GP2: variants seen among roughly 807,000 people sequenced by gnomAD.
The protein encoded by GP2 is glycoprotein 2, also known as pancreatic secretory granule membrane major glycoprotein GP2.
In GP2, 58 loss-of-function variants were observed where a neutral mutation model predicts 60.8. That is an observed-to-expected ratio of 0.95 (90% CI 0.77 to 1.19). The LOEUF is 1.19. Ranked by LOEUF, GP2 falls within the 50% of genes most tolerant of loss-of-function variation. The pLI, the probability that GP2 is intolerant of heterozygous loss-of-function variation, is 0.00. For missense variants in GP2, 647 were observed against 667.4 expected, an observed-to-expected ratio of 0.97 and a Z score of 0.34; for synonymous variants, 280 against 253.4, an observed-to-expected ratio of 1.10 and a Z score of -1.00.
At chr16:20,319,216 C>T (rs983489689) in intron 6 of GP2, among the ~76,000 whole-genome samples, 1 of 152,148 alleles carries the variant, frequency 6.6e-6, no homozygotes, top group Non-Finnish European at 1.5e-5. Flanking sequence ...CCCCTGTTCC[C>T]TGCTCCCAAA....
At chr16:20,317,830 C>T (rs374636997) in intron 7 of GP2, among the ~76,000 whole-genome samples, 17 of 152,142 alleles carry the variant, frequency 1.1e-4, no homozygotes, top group Admixed American at 2.6e-4. Context: ...TTTTGTCAGC[C>T]GGGCATGTTT....
intron 10 of GP2, among the ~76,000 whole-genome samples, chr16:20,312,464 TCTTGTAGTGGGTAGGCTGTCTCAA>T (rs941695194): frequency 6.6e-6 from 1 of 152,158 alleles, no homozygotes; most frequent in Non-Finnish European, 1.5e-5. Context: ...ACAAGTGCCC[TCTTGTAGTGGGTAGGCTGTCTCAA>T]CATCAGACTG....
chr16:20,325,580 C>G (rs1964510154), intron 2 of GP2, among the ~76,000 whole-genome samples: 1 of 152,134 alleles, frequency 6.6e-6, no homozygotes, highest in South Asian at 2.1e-4. Context: ...AAATGCCAAG[C>G]ACAGCACCAG....
chr16:20,315,312 G>A (rs1259235885), intron 9 of GP2, among the ~76,000 whole-genome samples: 2 of 151,748 alleles, frequency 1.3e-5, no homozygotes, highest in East Asian at 3.9e-4. Context: ...AATTCCTTTA[G>A]GGGAAAAAAA....
At chr16:20,317,930 T>C (rs1348819735) in intron 7 of GP2, among the ~76,000 whole-genome samples, 11 of 152,182 alleles carry the variant, frequency 7.2e-5, no homozygotes, top group Non-Finnish European at 1.2e-4. Flanking sequence ...ACCAAATTGA[T>C]TCCCTATTTT....
intron 2 of GP2, among the ~76,000 whole-genome samples, chr16:20,324,719 T>C (rs1282679779): frequency 1.3e-5 from 2 of 152,268 alleles, no homozygotes; most frequent in Non-Finnish European, 2.9e-5. Context: ...AAGTTTAAAA[T>C]ATATTGCTTT....
chr16:20,326,996 G>A (rs1481802367), intron 1 of GP2: 3 of 165,258 alleles, frequency 1.8e-5, no homozygotes, highest in Non-Finnish European at 4.0e-5. Flanking sequence ...CAGAAAGAAA[G>A]AGCTGCAAAA....
At chr16:20,312,669 T>C (rs77531992) in intron 10 of GP2, among the ~76,000 whole-genome samples, 3 of 151,898 alleles carry the variant, frequency 2.0e-5, no homozygotes, top group African/African-American at 7.3e-5. Context: ...TTTTTTTTTT[T>C]GATGGAGTTT....
intron 5 of GP2, 38 bp from the exon 6 acceptor site, chr16:20,319,806 G>A (rs773646480): frequency 3.3e-5 from 50 of 1,507,220 alleles, no homozygotes; most frequent in Non-Finnish European, 4.4e-5. Context: ...ATGTTTATGT[G>A]TATGTGTATG....
intron 1 of GP2, chr16:20,326,800 G>C (rs879895438): frequency 3.4e-5 from 7 of 208,920 alleles, no homozygotes; most frequent in Non-Finnish European, 6.8e-5. Context: ...TTAGTTTTAT[G>C]CATTGGGTGC....
chr16:20,321,789 G>A (rs918132341), intron 4 of GP2, among the ~76,000 whole-genome samples: 8 of 152,180 alleles, frequency 5.3e-5, no homozygotes, highest in African/African-American at 1.9e-4. Flanking sequence ...AGAGGGATGT[G>A]TCTGCAAGCA....
At chr16:20,320,176 G>A (rs36017565) in intron 5 of GP2, 86 bp downstream of exon 5, 1 of 999,208 alleles carries the variant, frequency 1.0e-6, no homozygotes, top group East Asian at 2.4e-5. Context: ...AAGCTAAGTG[G>A]CTTGTCCAAG....
chr16:20,322,788 C>A (rs1964405159), intron 4 of GP2, 81 bp downstream of exon 4: 5 of 768,850 alleles, frequency 6.5e-6, no homozygotes, highest in Non-Finnish European at 9.2e-6. Context: ...CTGCTTTATA[C>A]CTTATCTTGA....
At position 20,324,165 on chromosome 16, in the gene GP2, G is replaced by T; in HGVS notation, c.186C>A (p.Pro62=). 1 of 1,613,834 alleles carries T rather than the reference G, an allele frequency of 6.2e-7. No homozygotes were observed. The highest frequency in any genetic ancestry group is 8.5e-7 in the Non-Finnish European group (1 of 1,179,688). The change falls in exon 3 of 11, where the codon CCC becomes CCA. Residue 62 remains proline, a synonymous_variant. Coordinates refer to ENST00000302555, the MANE Select transcript of GP2 (RefSeq NM_001502.4). The part of the protein sequence containing the change: ...GTPEAHVCFD[P]CQNYTLLDEP... ...CATCCAGGAGGGTGTAATTCTGACAGGGGTCAAAACAGACATGAGCCTCTG... is the reference window on the plus strand; with the variant it reads ...CATCCAGGAGGGTGTAATTCTGACATGGGTCAAAACAGACATGAGCCTCTG...
chr16:20,327,142 T>C (rs938432656), intron 1 of GP2, among the ~76,000 whole-genome samples: 1 of 152,090 alleles, frequency 6.6e-6, no homozygotes, highest in Non-Finnish European at 1.5e-5. Context: ...AGGGATACCA[T>C]GAGTATGCTA....
intron 10 of GP2, among the ~76,000 whole-genome samples, chr16:20,313,391 T>C (rs1964057236): frequency 6.6e-6 from 1 of 152,154 alleles, no homozygotes; most frequent in Admixed American, 6.5e-5. Flanking sequence ...TTTCCAGACC[T>C]TATCCAATAC....
chr16:20,315,896 T>C (rs1964150704), intron 9 of GP2, 60 bp downstream of exon 9: 2 of 1,005,346 alleles, frequency 2.0e-6, no homozygotes, highest in African/African-American at 1.6e-5. Flanking sequence ...ACCCCAGGCA[T>C]CTGTGGTTAA....
chr16:20,326,295 G>A, intron 2 of GP2, 43 bp downstream of exon 2: 1 of 1,593,044 alleles, frequency 6.3e-7, no homozygotes, highest in Non-Finnish European at 8.6e-7. Flanking sequence ...CACTTGCTAG[G>A]TCTTCCTTGA....
At position 20,317,344 on chromosome 16, in the gene GP2, C is replaced by T. The variant is rs78193826; in HGVS notation, c.1285G>A (p.Val429Met). 5.0e-3 allele frequency: 8,007 copies of T among 1,613,740 alleles called. 234 individuals are homozygous for T. The East Asian group carries it at 0.077, about 16-fold the overall frequency. Residue 429 changes from valine to methionine, a missense_variant, in exon 8 of 11, where the codon GTG becomes ATG. By Grantham distance (21) the Val-to-Met change is conservative (BLOSUM62 1). Transcript: ENST00000302555. ...CSNQRDSTIH[V>M]EENGQSSESR... ...TCCGAGGACTGCCCATTCTCCTCCA[C>T]GTGGATGGTGGAATCACGTTGATTT...
Sources: allele counts gnomAD v4.1 joint callset (sites outside exome capture counted in the v4.1 genomes callset), GRCh38; gene constraint gnomAD v4.1.1; transcripts MANE v1.5; gene names NCBI Gene and HGNC (gene_info 2026-07-23, HGNC 2026-07-21).